The following FAM110B variants were observed in gnomAD, a reference collection of about 807,000 sequenced individuals.
The protein encoded by FAM110B is protein FAM110B.
In FAM110B, 6 loss-of-function variants were observed where a neutral mutation model predicts 20.4. That is an observed-to-expected ratio of 0.29 (90% confidence interval 0.16 to 0.58). The LOEUF (loss-of-function observed/expected upper bound fraction) is 0.58. Among genes scored for constraint, FAM110B ranks in the 20% least tolerant of loss-of-function variants. FAM110B has a pLI of 0.90. For synonymous variants in FAM110B, 226 were observed against 214.1 expected, an observed-to-expected ratio of 1.06 and a Z score of -0.49; for missense variants, 434 against 498.2, an observed-to-expected ratio of 0.87 and a Z score of 1.23.
intron 3 of FAM110B, among the ~76,000 whole-genome samples, chr8:58,088,462 T>C (rs1806392420): frequency 6.6e-6 from 1 of 152,206 alleles, no homozygotes; most frequent in Non-Finnish European, 1.5e-5. Flanking sequence ...CTATAATACA[T>C]TGTCTGTGTT....
At chr8:57,994,998 G>A (rs1227167149) in intron 1 of FAM110B, among the ~76,000 whole-genome samples, 192 bp downstream of exon 1, 1 of 152,124 alleles carries the variant, frequency 6.6e-6, no homozygotes, top group African/African-American at 2.4e-5. Context: ...GGCCTCACTG[G>A]CCCAGGCGGA....
chr8:58,061,466 C>T (rs1440859441), intron 2 of FAM110B, among the ~76,000 whole-genome samples: 1 of 152,180 alleles, frequency 6.6e-6, no homozygotes, highest in Non-Finnish European at 1.5e-5. Context: ...TTAAACTCTC[C>T]TCTTCATTAG....
At chr8:58,118,200 T>C (rs1459544027) in intron 3 of FAM110B, among the ~76,000 whole-genome samples, 4 of 152,232 alleles carry the variant, frequency 2.6e-5, no homozygotes, top group Non-Finnish European at 5.9e-5. Flanking sequence ...CTCTTATTTC[T>C]CCTTTCTCCA....
intron 3 of FAM110B, among the ~76,000 whole-genome samples, chr8:58,104,075 C>G (rs1386642356): frequency 6.6e-6 from 1 of 152,230 alleles, no homozygotes; most frequent in Non-Finnish European, 1.5e-5. Flanking sequence ...TTTTGCTTCT[C>G]TGCATACCCA....
intron 3 of FAM110B, among the ~76,000 whole-genome samples, chr8:58,126,698 T>C (rs1307152883): frequency 6.6e-6 from 1 of 152,228 alleles, no homozygotes; most frequent in East Asian, 1.9e-4. Flanking sequence ...TTTGCCCTTT[T>C]TATATGCCCT....
intron 2 of FAM110B, among the ~76,000 whole-genome samples, chr8:58,071,163 T>TA (rs200538655): frequency 8.6e-5 from 13 of 151,988 alleles, no homozygotes; most frequent in African/African-American, 1.9e-4. Flanking sequence ...AATCTGGGAT[T>TA]AAAAAAAATG....
chr8:58,042,765 C>T (rs1371781402), intron 2 of FAM110B, among the ~76,000 whole-genome samples: 1 of 152,228 alleles, frequency 6.6e-6, no homozygotes, highest in Non-Finnish European at 1.5e-5. Context: ...CTGTAATCCA[C>T]ATCAAAACTG....
intron 1 of FAM110B, among the ~76,000 whole-genome samples, chr8:58,021,597 A>T (rs571453323): frequency 1.1e-4 from 17 of 152,250 alleles, no homozygotes; most frequent in African/African-American, 4.1e-4. Flanking sequence ...AACCCAGAGT[A>T]ACACTGAGAT....
At chr8:58,126,414 G>C (rs1365027229) in intron 3 of FAM110B, among the ~76,000 whole-genome samples, 2 of 152,156 alleles carry the variant, frequency 1.3e-5, no homozygotes, top group African/African-American at 4.8e-5. Flanking sequence ...TAAATGCCCA[G>C]GAGTGCACTT....
At chr8:58,033,695 A>G (rs1224777698) in intron 2 of FAM110B, among the ~76,000 whole-genome samples, 1 of 152,230 alleles carries the variant, frequency 6.6e-6, no homozygotes, top group Non-Finnish European at 1.5e-5. Context: ...AGAAAAATAC[A>G]AATTAAAACC....
At chr8:58,103,656 G>A (rs1041023670) in intron 3 of FAM110B, among the ~76,000 whole-genome samples, 3 of 151,986 alleles carry the variant, frequency 2.0e-5, no homozygotes, top group Admixed American at 6.6e-5. Context: ...TTACATTTCC[G>A]GCACATCCTG....
At chr8:58,061,868 G>A (rs1392465310) in intron 2 of FAM110B, among the ~76,000 whole-genome samples, 1 of 152,164 alleles carries the variant, frequency 6.6e-6, no homozygotes. Flanking sequence ...ATGTTTGGAG[G>A]AATAACTTCT....
chr8:58,058,354 G>T (rs1312126328), intron 2 of FAM110B, among the ~76,000 whole-genome samples: 1 of 150,654 alleles, frequency 6.6e-6, no homozygotes, highest in Non-Finnish European at 1.5e-5. Context: ...AAAGACAATT[G>T]TGAATACCAC....
chr8:58,114,719 C>T (rs1479995159), intron 3 of FAM110B, among the ~76,000 whole-genome samples: 3 of 152,212 alleles, frequency 2.0e-5, no homozygotes, highest in Non-Finnish European at 4.4e-5. Context: ...AGGCCCTGTT[C>T]TAAATGGGTC....
chr8:58,089,415 T>C (rs1806418602), intron 3 of FAM110B, among the ~76,000 whole-genome samples: 1 of 152,202 alleles, frequency 6.6e-6, no homozygotes, highest in Non-Finnish European at 1.5e-5. Context: ...CTTGGTTTTG[T>C]GGGTTTTGCT....
intron 2 of FAM110B, among the ~76,000 whole-genome samples, chr8:58,065,872 A>G (rs1805749343): frequency 6.6e-6 from 1 of 152,198 alleles, no homozygotes; most frequent in African/African-American, 2.4e-5. Context: ...GTTCAGGTTT[A>G]GTCATTGGCA....
chr8:58,075,370 CG>C (rs1361324826), intron 2 of FAM110B, among the ~76,000 whole-genome samples, 164 bp from the exon 3 acceptor site: 3 of 151,722 alleles, frequency 2.0e-5, no homozygotes, highest in Non-Finnish European at 4.4e-5. Context: ...CTGCCCCCCT[CG>C]GCCTCCCAAA....
At chr8:58,134,894 T>C (rs1160398135) in intron 3 of FAM110B, among the ~76,000 whole-genome samples, 1 of 152,234 alleles carries the variant, frequency 6.6e-6, no homozygotes, top group Non-Finnish European at 1.5e-5. Flanking sequence ...CAAGGCTTTT[T>C]TTCGTCCTTC....
In FAM110B at chr8:58,147,499, G is replaced by A; in HGVS notation, c.*156G>A. 2 of 917,284 alleles carry A rather than the reference G, an allele frequency of 2.2e-6. No individual in the cohort carries two copies. Among genetic ancestry groups the A allele is most frequent in the Non-Finnish European group, 3.3e-6 (2 of 614,036 alleles). 56.8% of individuals were successfully genotyped at this position (917,284 alleles called of 1,614,324 possible). On this transcript the variant is annotated 3_prime_UTR_variant, in exon 4 of 4. Transcript: ENST00000519262. ...TGCTTGTCAACATGGGGACTGACCTGGCTTCCACGTCACCATCGCTACAGA... is the reference window on the plus strand; with the variant it reads ...TGCTTGTCAACATGGGGACTGACCTAGCTTCCACGTCACCATCGCTACAGA...
Sources: gnomAD v4.1 joint callset for allele counts (sites outside exome capture counted in the v4.1 genomes callset) on GRCh38, gnomAD v4.1.1 for gene constraint, MANE v1.5 for transcripts, NCBI Gene and HGNC (gene_info 2026-07-23, HGNC 2026-07-21) for gene names.